APPBP2: variants seen among roughly 807,000 people sequenced by gnomAD.
APPBP2 encodes the protein amyloid protein-binding protein 2.
A neutral mutation model predicts 76.0 loss-of-function variants in APPBP2; 15 were observed. The observed-to-expected ratio is 0.20, with a 90% CI of 0.13 to 0.30. The LOEUF is 0.30. Among genes scored for constraint, APPBP2 ranks in the 10% least tolerant of loss-of-function variants. The probability of loss-of-function intolerance (pLI) is 1.00; values close to 1 mark genes in which losing one functional copy is unlikely to be tolerated. For missense variants in APPBP2, 401 were observed against 687.2 expected, an observed-to-expected ratio of 0.58 and a Z score of 4.66; for synonymous variants, 222 against 242.2, an observed-to-expected ratio of 0.92 and a Z score of 0.77.
chr17:60,521,557 G>A (rs915831600), intron 1 of APPBP2, among the ~76,000 whole-genome samples: 3 of 152,144 alleles, frequency 2.0e-5, no homozygotes, highest in Non-Finnish European at 2.9e-5. Context: ...GCCACACGTG[G>A]CCCAGGTCAG....
At position 60,521,080 on chromosome 17, in the gene APPBP2, C is replaced by A. The variant is rs113707546; in HGVS notation, c.138+4714G>T. 2.9e-3 allele frequency among the ~76,000 whole-genome samples: 439 copies of A among 152,292 alleles called. 1 individual carries two copies. The highest frequency in any genetic ancestry group is 0.01 in the African/African-American group (427 of 41,564). ...TGAGTAGCTAGGATGGGACTACAGG[C>A]ATATATCACTCCATCTGCCTCACAA... On this transcript the variant is annotated intron_variant, in intron 1 of 12. Transcript: ENST00000083182.
chr17:60,499,230 C>T (rs1325574784), intron 2 of APPBP2, among the ~76,000 whole-genome samples: 3 of 151,552 alleles, frequency 2.0e-5, no homozygotes, highest in African/African-American at 7.3e-5. Flanking sequence ...ACTCAGGAGG[C>T]TGAGGTGGGA....
chr17:60,490,104 T>C (rs956451021), intron 3 of APPBP2, among the ~76,000 whole-genome samples: 25 of 152,202 alleles, frequency 1.6e-4, no homozygotes, highest in South Asian at 4.1e-4. Flanking sequence ...GGTGATCAAA[T>C]AGTACTGTAT....
intron 1 of APPBP2, among the ~76,000 whole-genome samples, chr17:60,525,391 G>T (rs890176509): frequency 6.6e-6 from 1 of 152,212 alleles, no homozygotes; most frequent in African/African-American, 2.4e-5. Context: ...AATGGGTGGG[G>T]GGAGGAGCAC....
At chr17:60,467,875 G>C (rs947984684) in intron 4 of APPBP2, among the ~76,000 whole-genome samples, 4 of 151,992 alleles carry the variant, frequency 2.6e-5, no homozygotes, top group African/African-American at 9.7e-5. Context: ...CATAGTCAAA[G>C]GAACAGAAAG....
At chr17:60,475,180 C>T (rs1437151303) in intron 4 of APPBP2, among the ~76,000 whole-genome samples, 1 of 151,828 alleles carries the variant, frequency 6.6e-6, no homozygotes, top group African/African-American at 2.4e-5. Context: ...CAGTGAGCCG[C>T]GATCACACCA....
At chr17:60,478,524 G>A (rs551087013) in intron 4 of APPBP2, among the ~76,000 whole-genome samples, 148 of 152,284 alleles carry the variant, frequency 9.7e-4, no homozygotes, top group Non-Finnish European at 1.9e-3. Flanking sequence ...TGGAGTTTCC[G>A]AGCATCCAGT....
intron 12 of APPBP2, 41 bp downstream of exon 12, chr17:60,451,839 T>C (rs1443478548): frequency 7.8e-6 from 12 of 1,530,816 alleles, no homozygotes; most frequent in Middle Eastern, 1.9e-4. Flanking sequence ...GACATGTTGA[T>C]TTGTAATCAA....
chr17:60,472,592 G>C (rs1034777603), intron 4 of APPBP2, among the ~76,000 whole-genome samples: 1 of 152,102 alleles, frequency 6.6e-6, no homozygotes, highest in Admixed American at 6.6e-5. Flanking sequence ...AAGTCAGGGA[G>C]GACATCAGTG....
chr17:60,449,353 A>T (rs1353271807), intron 12 of APPBP2, among the ~76,000 whole-genome samples: 1 of 152,196 alleles, frequency 6.6e-6, no homozygotes, highest in East Asian at 1.9e-4. Context: ...GCACTTTGGG[A>T]GGCCCAGGCG....
chr17:60,495,400 T>C (rs2090765930), intron 2 of APPBP2, among the ~76,000 whole-genome samples: 2 of 151,758 alleles, frequency 1.3e-5, no homozygotes, highest in African/African-American at 4.8e-5. Context: ...AGATACCCCT[T>C]TACACCCAAT....
rs201370257 is a variant in APPBP2 at position 60,495,443 on chromosome 17, T to A, written c.228-826A>T. Among the ~76,000 whole-genome samples the A allele has an allele frequency of 9.6e-3, 118 of 12,336 alleles. 1 individual carries two copies. Among genetic ancestry groups the A allele is most frequent in the African/African-American group, 0.02 (103 of 5,278 alleles). The allele number at this position is 12,336 out of a possible 152,430, so 8.1% of individuals were successfully genotyped here. A position where few individuals can be genotyped will look rare whatever the true frequency, so the allele number is the denominator to read the frequency against. ...TTAAAAATATTTTATTTATTTATTA[T>A]TTATTTATTTATTTATTTATTTATT... On this transcript the variant is annotated intron_variant, in intron 2 of 12. Coordinates refer to ENST00000083182, the MANE Select transcript of APPBP2 (RefSeq NM_006380.5).
intron 1 of APPBP2, among the ~76,000 whole-genome samples, chr17:60,510,553 T>A (rs1392514895): frequency 6.8e-6 from 1 of 147,334 alleles, no homozygotes; most frequent in East Asian, 2.0e-4. Flanking sequence ...GAGACCCCCA[T>A]CACTACAAAA....
At position 60,512,792 on chromosome 17, in the gene APPBP2, C is replaced by T. The variant is rs374736596; in HGVS notation, c.139-12305G>A. On this transcript the variant is annotated intron_variant, in intron 1 of 12. Transcript: ENST00000083182. ...GGAGGTTGCAGTGAGCCGAGACTGC[C>T]CATTACACTCCAGCCTAGGCAACAG... 0.015 allele frequency among the ~76,000 whole-genome samples: 3 copies of T among 198 alleles called. No homozygotes were observed. In the African/African-American group the frequency reaches 0.25, roughly 17 times the overall value. The allele number at this position is 198 out of a possible 152,430, so 0.1% of individuals were successfully genotyped here.
intron 9 of APPBP2, among the ~76,000 whole-genome samples, chr17:60,459,136 G>C (rs1203718102): frequency 1.3e-5 from 2 of 152,086 alleles, no homozygotes; most frequent in African/African-American, 4.8e-5. Flanking sequence ...TGCTGACTCA[G>C]AGGAAATATT....
intron 4 of APPBP2, among the ~76,000 whole-genome samples, chr17:60,467,108 A>G (rs2090516941): frequency 6.6e-6 from 1 of 152,218 alleles, no homozygotes; most frequent in Non-Finnish European, 1.5e-5. Flanking sequence ...GTATCTATAT[A>G]GACTGTACAA....
At chr17:60,513,817 A>C (rs8079132) in intron 1 of APPBP2, among the ~76,000 whole-genome samples, 28,989 of 151,474 alleles carry the variant, frequency 0.19, 9,266 homozygotes, top group African/African-American at 0.66. Flanking sequence ...TGCCACTGCA[A>C]TCCAGCTTCG....
chr17:60,446,426 G>A lies in APPBP2; in HGVS notation c.*1155C>T, dbSNP rs1410939183. 1 of 152,198 alleles carries A rather than the reference G, an allele frequency of 6.6e-6. No individual in the cohort carries two copies. The highest frequency in any genetic ancestry group is 2.4e-5 in the African/African-American group (1 of 41,448). 9.4% of individuals were successfully genotyped at this position (152,198 alleles called of 1,614,324 possible). A position where few individuals can be genotyped will look rare whatever the true frequency, so the allele number is the denominator to read the frequency against. ...TTGACTCCTAGATTTCAAATGAAATGACCTAGTTGTATTACTATTTACCAT... is the reference window on the plus strand; with the variant it reads ...TTGACTCCTAGATTTCAAATGAAATAACCTAGTTGTATTACTATTTACCAT... On this transcript the variant is annotated 3_prime_UTR_variant, in exon 13 of 13. Coordinates refer to ENST00000083182, the MANE Select transcript of APPBP2 (RefSeq NM_006380.5).
At chr17:60,454,993 A>G (rs2090421869) in intron 10 of APPBP2, among the ~76,000 whole-genome samples, 2 of 152,178 alleles carry the variant, frequency 1.3e-5, no homozygotes, top group African/African-American at 2.4e-5. Flanking sequence ...TCCATTCAAG[A>G]CTTTCAAATT....
Sources: gnomAD v4.1 joint callset for allele counts (sites outside exome capture counted in the v4.1 genomes callset) on GRCh38, gnomAD v4.1.1 for gene constraint, MANE v1.5 for transcripts, NCBI Gene and HGNC (gene_info 2026-07-23, HGNC 2026-07-21) for gene names.